PTPRG: variants seen among roughly 807,000 people sequenced by gnomAD.
PTPRG encodes the protein receptor-type tyrosine-protein phosphatase gamma.
A neutral mutation model predicts 165.3 loss-of-function variants in PTPRG; 102 were observed. That is an observed-to-expected ratio of 0.62 (90% CI 0.53 to 0.73). PTPRG has a LOEUF of 0.73. Ranked by LOEUF, PTPRG falls within the 30% of genes least tolerant of loss-of-function variation. PTPRG has a pLI of 0.00. For missense variants in PTPRG, 1,866 were observed against 1,861.4 expected (o/e 1.00, Z -0.05); for synonymous variants, 675 against 669.5 (o/e 1.01, Z -0.13).
At chr3:61,574,029 CTT>C (rs750431381) in intron 1 of PTPRG, among the ~76,000 whole-genome samples, 1 of 144,892 alleles carries the variant, frequency 6.9e-6, no homozygotes, top group African/African-American at 2.5e-5. Flanking sequence ...GGTAGTAAAC[CTT>C]TTTTTTTTTT....
chr3:61,634,308 G>A (rs1175180690), intron 1 of PTPRG, among the ~76,000 whole-genome samples: 1 of 151,926 alleles, frequency 6.6e-6, no homozygotes, highest in Admixed American at 6.6e-5. Flanking sequence ...TGCGATCTCG[G>A]CTCACTGCAG....
chr3:61,752,713 G>C (rs749792286), intron 2 of PTPRG, among the ~76,000 whole-genome samples: 4 of 143,686 alleles, frequency 2.8e-5, no homozygotes, highest in Non-Finnish European at 6.0e-5. Flanking sequence ...TTGAACCTGG[G>C]AGGTGGAGGT....
Position 61,782,717 on chromosome 3 carries a change from C to T in PTPRG, c.190+33735C>T, listed in dbSNP as rs183405878. Among the ~76,000 whole-genome samples, 16 of 152,272 alleles carry T rather than the reference C, an allele frequency of 1.1e-4. No individual in the cohort carries two copies. The East Asian group carries it at 3.1e-3, about 29-fold the overall frequency. ...TGACCTGGCGCATTTTAGAACCCTT[C>T]GTTTTAAGCTGAAGGTTATGATATG... is the stretch of plus-strand genomic sequence containing the variant. On this transcript the variant is annotated intron_variant, in intron 2 of 29. Transcript: ENST00000474889.
At chr3:62,157,002 G>GT in intron 6 of PTPRG, 65 bp from the exon 7 acceptor site, 1 of 1,429,710 alleles carries the variant, frequency 7.0e-7, no homozygotes, top group Non-Finnish European at 9.8e-7. Flanking sequence ...GGTGTTGACT[G>GT]TGTCTGCGGC....
chr3:62,257,690 CA>C (rs1210403047), intron 16 of PTPRG, among the ~76,000 whole-genome samples: 2 of 152,170 alleles, frequency 1.3e-5, no homozygotes, highest in Non-Finnish European at 2.9e-5. Context: ...CACAGTGGCT[CA>C]CACCTGTAAT....
chr3:62,069,977 C>G (rs914052672), intron 4 of PTPRG, among the ~76,000 whole-genome samples: 2 of 152,028 alleles, frequency 1.3e-5, no homozygotes, highest in East Asian at 3.9e-4. Flanking sequence ...AAAATACTTT[C>G]ACAAAAAATA....
chr3:62,138,763 C>T (rs546078492), intron 6 of PTPRG, among the ~76,000 whole-genome samples: 1 of 148,064 alleles, frequency 6.8e-6, no homozygotes, highest in Non-Finnish European at 1.5e-5. Flanking sequence ...GTGCATTATA[C>T]GTCGCTTCTC....
At chr3:62,275,023 T>A (rs2148878511) in intron 23 of PTPRG, among the ~76,000 whole-genome samples, 1 of 152,212 alleles carries the variant, frequency 6.6e-6, no homozygotes, top group Non-Finnish European at 1.5e-5. Context: ...AGAATCAAAC[T>A]TGAAAATGAA....
chr3:61,618,687 TCTTAAGGC>T (rs1404202410), intron 1 of PTPRG, among the ~76,000 whole-genome samples: 1 of 152,216 alleles, frequency 6.6e-6, no homozygotes, highest in Non-Finnish European at 1.5e-5. Flanking sequence ...AAGAAATTTT[TCTTAAGGC>T]CTTTTTAAAC....
intron 2 of PTPRG, among the ~76,000 whole-genome samples, chr3:61,829,214 G>A (rs958519714): frequency 2.0e-5 from 3 of 152,218 alleles, no homozygotes; most frequent in African/African-American, 7.2e-5. Flanking sequence ...AAAACATGAA[G>A]CACTAAATAA....
intron 1 of PTPRG, among the ~76,000 whole-genome samples, chr3:61,740,914 G>A (rs1043026550): frequency 3.9e-5 from 6 of 152,024 alleles, no homozygotes; most frequent in Admixed American, 3.9e-4. Context: ...CAACTAGAAG[G>A]ACCATTTATA....
chr3:61,993,337 C>T (rs1239778420), intron 3 of PTPRG, among the ~76,000 whole-genome samples: 1 of 152,148 alleles, frequency 6.6e-6, no homozygotes, highest in Non-Finnish European at 1.5e-5. Flanking sequence ...CCTGCCTCAG[C>T]CTCCTGAGTA....
intron 1 of PTPRG, among the ~76,000 whole-genome samples, chr3:61,677,322 G>A (rs13065463): frequency 0.087 from 13,134 of 151,792 alleles, 677 homozygotes; most frequent in Non-Finnish European, 0.12. Flanking sequence ...GTTATACCTG[G>A]CACCTACCTT....
intron 5 of PTPRG, among the ~76,000 whole-genome samples, chr3:62,093,357 AC>A (rs1702006779): frequency 6.6e-6 from 1 of 152,210 alleles, no homozygotes; most frequent in South Asian, 2.1e-4. Flanking sequence ...CCAGAGTCAC[AC>A]CAGTCCAACT....
intron 8 of PTPRG, among the ~76,000 whole-genome samples, chr3:62,189,476 C>G (rs116809674): frequency 0.012 from 1,796 of 152,260 alleles, 14 homozygotes; most frequent in Middle Eastern, 0.041. Context: ...GGGTCAGAAC[C>G]AAGCCGTGGT....
intron 1 of PTPRG, among the ~76,000 whole-genome samples, chr3:61,701,372 T>A (rs1386133196): frequency 6.6e-6 from 1 of 152,180 alleles, no homozygotes; most frequent in African/African-American, 2.4e-5. Flanking sequence ...CTAGTGCTGT[T>A]TAATTTTCAG....
intron 10 of PTPRG, among the ~76,000 whole-genome samples, chr3:62,198,581 A>G (rs1461962163): frequency 1.3e-5 from 2 of 152,198 alleles, no homozygotes; most frequent in African/African-American, 4.8e-5. Flanking sequence ...GGTTTTAGAT[A>G]AATAAGTGAA....
chr3:62,024,080 A>G (rs981708263), intron 4 of PTPRG, among the ~76,000 whole-genome samples: 2 of 152,134 alleles, frequency 1.3e-5, no homozygotes, highest in South Asian at 2.1e-4. Flanking sequence ...TGTTTAGTGT[A>G]GTTTTCTTTT....
intron 1 of PTPRG, among the ~76,000 whole-genome samples, chr3:61,614,033 G>A (rs9836251): frequency 0.045 from 6,778 of 152,192 alleles, 466 homozygotes; most frequent in African/African-American, 0.15. Flanking sequence ...AAATATGGTG[G>A]TAGCCCTCTA....
Sources: allele counts gnomAD v4.1 joint callset (sites outside exome capture counted in the v4.1 genomes callset), GRCh38; gene constraint gnomAD v4.1.1; transcripts MANE v1.5; gene names NCBI Gene and HGNC (gene_info 2026-07-23, HGNC 2026-07-21).